SHISAL1: variants seen among roughly 807,000 people sequenced by gnomAD.
SHISAL1 encodes the protein shisa like 1.
A neutral mutation model predicts 22.6 loss-of-function variants in SHISAL1; 9 were observed. The ratio of observed to expected loss-of-function variants is 0.40; its 90% CI spans 0.24 to 0.70. The LOEUF is 0.70. Ranked by LOEUF, SHISAL1 falls within the 30% of genes least tolerant of loss-of-function variation. The pLI is 0.39. For synonymous variants in SHISAL1, 119 were observed against 115.4 expected, an observed-to-expected ratio of 1.03 and a Z score of -0.20; for missense variants, 246 against 270.6, an observed-to-expected ratio of 0.91 and a Z score of 0.64.
At chr22:44,309,668 T>C (rs1472310136) in intron 1 of SHISAL1, among the ~76,000 whole-genome samples, 3 of 152,186 alleles carry the variant, frequency 2.0e-5, no homozygotes, top group East Asian at 1.9e-4. Flanking sequence ...CTTGTGTGCA[T>C]GCCTGTCTCC....
At chr22:44,292,239 C>G (rs1037544011) in intron 3 of SHISAL1, among the ~76,000 whole-genome samples, 3 of 152,184 alleles carry the variant, frequency 2.0e-5, no homozygotes, top group Admixed American at 6.5e-5. Flanking sequence ...GCTCTTGCAT[C>G]TGCATAAAGC....
At chr22:44,294,325 G>A (rs2055371993) in intron 3 of SHISAL1, among the ~76,000 whole-genome samples, 1 of 152,176 alleles carries the variant, frequency 6.6e-6, no homozygotes, top group Non-Finnish European at 1.5e-5. Flanking sequence ...GGTGGGAGGT[G>A]GGGAGACTTG....
At chr22:44,329,894 C>G in the SHISAL1 span, among the ~76,000 whole-genome samples, 211 of 152,270 alleles carry the variant, frequency 1.4e-3, no homozygotes, top group African/African-American at 4.5e-3. Context: ...GTGAAAAGTC[C>G]CAATGGTTAC....
rs2054975966 is a variant in SHISAL1, at chr22:44,243,875, A to G, written c.*5810T>C. 6.6e-6 allele frequency: 1 copy of G among 152,214 alleles called. No individual in the cohort carries two copies. Among genetic ancestry groups the G allele is most frequent in the African/African-American group, 2.4e-5 (1 of 41,452 alleles). 9.4% of individuals were successfully genotyped at this position (152,214 alleles called of 1,614,324 possible). On this transcript the variant is annotated 3_prime_UTR_variant, in exon 5 of 5. Transcript: ENST00000381176. ...ACCCCATGCCTGCTCACATGAAGTC[A>G]GAGTTTACGGGAGAGAAAATATTTC...
In SHISAL1 at chr22:44,244,643, T is replaced by TGG. The variant is rs1159735823; in HGVS notation, c.*5041_*5042insCC. ...GGTGGGACAGGTAAGTGTTCTGAAT[T>TGG]CATTTTGTGAATCTGAGCATGTCTG... On this transcript the variant is annotated 3_prime_UTR_variant, in exon 5 of 5. Transcript: ENST00000381176. 3 of 152,120 alleles carry TGG rather than the reference T, an allele frequency of 2.0e-5. No individual in the cohort carries two copies. The East Asian group carries it at 5.8e-4, about 29-fold the overall frequency. 9.4% of individuals were successfully genotyped at this position (152,120 alleles called of 1,614,324 possible).
At chr22:44,277,475 A>AAAC (rs1287847237) in intron 4 of SHISAL1, among the ~76,000 whole-genome samples, 1 of 152,048 alleles carries the variant, frequency 6.6e-6, no homozygotes, top group East Asian at 1.9e-4. Context: ...AAACAAAACA[A>AAAC]AACAAAACAG....
intron 4 of SHISAL1, among the ~76,000 whole-genome samples, chr22:44,282,092 C>T (rs2055280583): frequency 1.3e-5 from 2 of 152,206 alleles, no homozygotes; most frequent in East Asian, 1.9e-4. Flanking sequence ...TGCTGTTCAG[C>T]GGTGGCCTGG....
intron 4 of SHISAL1, among the ~76,000 whole-genome samples, chr22:44,275,759 G>T (rs1248932619): frequency 6.6e-6 from 1 of 152,174 alleles, no homozygotes; most frequent in Non-Finnish European, 1.5e-5. Context: ...ATAAAATGAG[G>T]CTCGGGATGG....
chr22:44,315,536 C>A (rs1488626345), upstream of SHISAL1, among the ~76,000 whole-genome samples: 1 of 152,122 alleles, frequency 6.6e-6, no homozygotes, highest in Admixed American at 6.5e-5. Flanking sequence ...TTGAGACCCT[C>A]CCAGTTATAA....
chr22:44,290,485 T>C (rs899418058), intron 3 of SHISAL1, among the ~76,000 whole-genome samples: 11 of 146,270 alleles, frequency 7.5e-5, no homozygotes, highest in Admixed American at 2.1e-4. Flanking sequence ...GCTGTGATTG[T>C]GCCATTGTAC....
chr22:44,258,556 G>T (rs959110267), intron 4 of SHISAL1, among the ~76,000 whole-genome samples: 3 of 152,154 alleles, frequency 2.0e-5, no homozygotes, highest in African/African-American at 7.2e-5. Context: ...ACTTATAAGT[G>T]AGAGCATGTG....
intron 4 of SHISAL1, among the ~76,000 whole-genome samples, chr22:44,268,560 G>A (rs2055182265): frequency 6.6e-6 from 1 of 152,196 alleles, no homozygotes; most frequent in African/African-American, 2.4e-5. Flanking sequence ...GGGACTCCCA[G>A]CCCAGGGTTC....
intron 4 of SHISAL1, among the ~76,000 whole-genome samples, chr22:44,263,205 G>A: frequency 6.7e-6 from 1 of 149,788 alleles, no homozygotes; most frequent in Non-Finnish European, 1.5e-5. Flanking sequence ...CGAGTAGTTA[G>A]GATTACAGGC....
intron 4 of SHISAL1, among the ~76,000 whole-genome samples, chr22:44,263,100 G>A (rs1403973055): frequency 1.4e-4 from 2 of 14,038 alleles, no homozygotes; most frequent in Admixed American, 1.2e-3. Context: ...TTTTTTTTTT[G>A]GAGATGGAGT....
chr22:44,301,048 G>T, intron 1 of SHISAL1, 71 bp from the exon 2 acceptor site: 4 of 1,089,560 alleles, frequency 3.7e-6, no homozygotes, highest in East Asian at 2.6e-5. Context: ...TGCCCACAGC[G>T]GGGGACGGGC....
chr22:44,285,299 AAAC>A, intron 4 of SHISAL1, 126 bp downstream of exon 4: 1 of 1,049,222 alleles, frequency 9.5e-7, no homozygotes, highest in Non-Finnish European at 1.4e-6. Context: ...TTTTCTTGGC[AAAC>A]AACAAGATAA....
the SHISAL1 span, among the ~76,000 whole-genome samples, chr22:44,328,666 T>A: frequency 6.6e-6 from 1 of 152,024 alleles, no homozygotes; most frequent in Non-Finnish European, 1.5e-5. Context: ...CCTAGGGAAC[T>A]GGAAATCAGA....
intron 4 of SHISAL1, among the ~76,000 whole-genome samples, chr22:44,272,112 C>G (rs752964593): frequency 9.9e-5 from 15 of 152,162 alleles, no homozygotes; most frequent in Non-Finnish European, 2.2e-4. Flanking sequence ...AAGATGCCTG[C>G]TGCAGGTAGC....
the SHISAL1 span, among the ~76,000 whole-genome samples, chr22:44,319,741 G>C: frequency 6.6e-6 from 1 of 152,218 alleles, no homozygotes; most frequent in South Asian, 2.1e-4. Context: ...CTCCGGTCTG[G>C]CCTCACACTA....
Sources: gnomAD v4.1 joint callset for allele counts (sites outside exome capture counted in the v4.1 genomes callset) on GRCh38, gnomAD v4.1.1 for gene constraint, MANE v1.5 for transcripts, NCBI Gene and HGNC (gene_info 2026-07-23, HGNC 2026-07-21) for gene names.